HMCN1: variants seen among roughly 807,000 people sequenced by gnomAD.
HMCN1 encodes the protein hemicentin 1, also known as hemicentin-1.
HMCN1 carries 321 observed loss-of-function variants against 625.9 expected under a neutral mutation model. That is an observed-to-expected ratio of 0.51 (90% CI 0.47 to 0.56). The LOEUF (loss-of-function observed/expected upper bound fraction) is 0.56. Ranked by LOEUF, HMCN1 falls within the 20% of genes least tolerant of loss-of-function variation. The pLI is 0.00. For synonymous variants in HMCN1, 2,425 were observed against 2,417.6 expected, an observed-to-expected ratio of 1.00 and a Z score of -0.09; for missense variants, 6,588 against 6,887.3, an observed-to-expected ratio of 0.96 and a Z score of 1.54.
At chr1:185,784,200 A>G (rs1390599319) in intron 1 of HMCN1, among the ~76,000 whole-genome samples, 1 of 152,178 alleles carries the variant, frequency 6.6e-6, no homozygotes, top group Non-Finnish European at 1.5e-5. Flanking sequence ...AGACCATTGG[A>G]AAAGCGCAGT....
intron 1 of HMCN1, among the ~76,000 whole-genome samples, chr1:185,745,129 G>T (rs1009369294): frequency 6.6e-6 from 1 of 152,194 alleles, no homozygotes; most frequent in African/African-American, 2.4e-5. Context: ...TGCAAAGTTA[G>T]CTTTAAGACA....
At position 186,042,892 on chromosome 1, in the gene HMCN1, G is replaced by A. The variant is rs546453575; in HGVS notation, c.6304+1756G>A. On this transcript the variant is annotated intron_variant, in intron 40 of 106. Coordinates refer to ENST00000271588, the MANE Select transcript of HMCN1 (RefSeq NM_031935.3). Reference sequence around the variant, plus strand: ...CCTTCAGATTTACATTGTGGGGTACGCTGTTGGGGGGTGGAATAGGGGAAG... The same window carrying A: ...CCTTCAGATTTACATTGTGGGGTACACTGTTGGGGGGTGGAATAGGGGAAG... 1.6e-4 allele frequency among the ~76,000 whole-genome samples: 24 copies of A among 152,152 alleles called. No homozygotes were observed. In the East Asian group the frequency reaches 2.5e-3, roughly 16 times the overall value.
rs1412818585 is a variant in HMCN1, at chr1:186,003,839, T to C, written c.4470T>C (p.Asp1490=). 1.4e-5 allele frequency: 22 copies of C among 1,613,094 alleles called. No individual in the cohort carries two copies. Among genetic ancestry groups the C allele is most frequent in the African/African-American group, 2.7e-5 (2 of 74,860 alleles). Residue 1490 remains aspartate (D), a synonymous_variant, in exon 29 of 107, where the codon GAT becomes GAC. Transcript: ENST00000271588. ...TTCCTGATATTCATTGGTTCAAAGA[T>C]GGCAAGTGAGTATCTTTTCTGTATT... ...TPFPDIHWFK[D]GKPLFLGDPN...
intron 68 of HMCN1, among the ~76,000 whole-genome samples, chr1:186,099,317 CTG>C (rs1470813981): frequency 6.6e-6 from 1 of 151,964 alleles, no homozygotes; most frequent in Non-Finnish European, 1.5e-5. Flanking sequence ...AAAAGAAAAA[CTG>C]TGTGTCTGGG....
intron 95 of HMCN1, 126 bp downstream of exon 95, chr1:186,151,869 A>G: frequency 1.0e-6 from 1 of 952,446 alleles, no homozygotes; most frequent in Non-Finnish European, 1.6e-6. Context: ...TAAGTGATAT[A>G]AAAGCAATTT....
intron 1 of HMCN1, among the ~76,000 whole-genome samples, chr1:185,738,317 C>T (rs540022559): frequency 6.6e-6 from 1 of 152,288 alleles, no homozygotes; most frequent in Non-Finnish European, 1.5e-5. Context: ...ATACCCCAAT[C>T]ATCTTCCCCT....
intron 105 of HMCN1, among the ~76,000 whole-genome samples, chr1:186,187,656 T>TA (rs1411449580): frequency 1.3e-5 from 2 of 152,168 alleles, no homozygotes; most frequent in Admixed American, 1.3e-4. Context: ...TCATTTTTTT[T>TA]ATGTCCTTTC....
chr1:185,805,094 T>C (rs967545092), intron 1 of HMCN1, among the ~76,000 whole-genome samples: 2 of 152,162 alleles, frequency 1.3e-5, no homozygotes, highest in African/African-American at 4.8e-5. Flanking sequence ...ATTATTCTGA[T>C]GGCATATTTT....
chr1:185,869,969 A>T (rs1422309094), intron 4 of HMCN1, among the ~76,000 whole-genome samples: 1 of 151,294 alleles, frequency 6.6e-6, no homozygotes, highest in Non-Finnish European at 1.5e-5. Flanking sequence ...CCTGGGGGAT[A>T]TATTTTATAT....
At chr1:186,119,092 C>T in intron 77 of HMCN1, 99 bp from the exon 78 acceptor site, 2 of 840,270 alleles carry the variant, frequency 2.4e-6, no homozygotes, top group Non-Finnish European at 4.1e-6. Flanking sequence ...CCAAGCACCA[C>T]CATGCTATTT....
chr1:186,050,719 G>C (rs1571779870), intron 42 of HMCN1, among the ~76,000 whole-genome samples: 1 of 152,114 alleles, frequency 6.6e-6, no homozygotes, highest in East Asian at 1.9e-4. Flanking sequence ...GTAGATATAA[G>C]AATGAATGAT....
chr1:186,138,382 A>C (rs566851198), intron 89 of HMCN1, among the ~76,000 whole-genome samples: 1 of 152,176 alleles, frequency 6.6e-6, no homozygotes, highest in Non-Finnish European at 1.5e-5. Context: ...GTCATTCACT[A>C]AATACTTGCC....
At chr1:185,867,141 T>C (rs185556299) in intron 4 of HMCN1, among the ~76,000 whole-genome samples, 2 of 152,344 alleles carry the variant, frequency 1.3e-5, no homozygotes, top group Admixed American at 1.3e-4. Flanking sequence ...ATCAACATAT[T>C]GAAATAGATA....
intron 97 of HMCN1, among the ~76,000 whole-genome samples, chr1:186,163,395 G>T (rs923652612): frequency 6.6e-6 from 1 of 151,904 alleles, no homozygotes; most frequent in Non-Finnish European, 1.5e-5. Flanking sequence ...TTCGGCTCAC[G>T]CACGGTGCGC....
chr1:186,106,916 A>G lies in HMCN1; in HGVS notation c.10803A>G (p.Ala3601=), dbSNP rs1660635844. 1 of 1,612,766 alleles carries G rather than the reference A, an allele frequency of 6.2e-7. No individual in the cohort carries two copies. Among genetic ancestry groups the G allele is most frequent in the African/African-American group, 1.3e-5 (1 of 74,902 alleles). ...ATACAGGAAGATATACATGTCTGGC[A>G]TCCAGTCCTGCAGGAGATGATGATA... ...VEDTGRYTCL[A]SSPAGDDDKE... Residue 3601 remains alanine (A), a synonymous_variant, in exon 70 of 107, where the codon GCA becomes GCG. Transcript: ENST00000271588.
At position 185,966,011 on chromosome 1, in the gene HMCN1, A is replaced by T. The variant is rs1650385493; in HGVS notation, c.2212+96A>T. 2.5e-5 allele frequency: 20 copies of T among 787,984 alleles called. No homozygotes were observed. In the South Asian group the frequency reaches 2.8e-4, roughly 11 times the overall value. The allele number at this position is 787,984 out of a possible 1,614,324, so 48.8% of individuals were successfully genotyped here. ...AAAACTTTGTTTTGGTGTGTGACTT[A>T]GCAGCCCCATAAAATGTGTTTATGA... is the stretch of plus-strand genomic sequence containing the variant. On this transcript the variant is annotated intron_variant, in intron 14 of 106. Transcript: ENST00000271588.
chr1:185,789,873 T>A (rs998161865), intron 1 of HMCN1, among the ~76,000 whole-genome samples: 3 of 152,214 alleles, frequency 2.0e-5, no homozygotes, highest in African/African-American at 7.2e-5. Flanking sequence ...ATTAACTCTA[T>A]TTTTTCCCCC....
At chr1:185,745,144 G>A (rs890406554) in intron 1 of HMCN1, among the ~76,000 whole-genome samples, 2 of 152,100 alleles carry the variant, frequency 1.3e-5, no homozygotes, top group Non-Finnish European at 2.9e-5. Context: ...AAGACACAAC[G>A]TTACTCCCAG....
At position 186,137,576 on chromosome 1, in the gene HMCN1, G is replaced by T; in HGVS notation, c.13661G>T (p.Arg4554Leu). The T allele has an allele frequency of 6.8e-6, 11 of 1,613,904 alleles. No individual in the cohort carries two copies. Among genetic ancestry groups the T allele is most frequent in the Non-Finnish European group, 9.3e-6 (11 of 1,179,940 alleles). ...GGAAAAGGCATCCAAAAGAGGAGTC[G>T]TCTGTGCAACCAGCCCCTTCCAGCC... ...TCGKGIQKRS[R>L]LCNQPLPANG... Residue 4554 changes from arginine (R) to leucine (L), a missense_variant, in exon 88 of 107, where the codon CGT becomes CTT. Arg to Leu is a moderately radical substitution (Grantham distance 102). This residue lies in a region of HMCN1 where 1,954 missense variants were observed against 2,013.1 expected (regional missense o/e 0.97). Coordinates refer to ENST00000271588, the MANE Select transcript of HMCN1 (RefSeq NM_031935.3).
Sources: allele counts gnomAD v4.1 joint callset (sites outside exome capture counted in the v4.1 genomes callset), GRCh38; gene constraint gnomAD v4.1.1; regional missense constraint gnomAD v4.1.1; transcripts MANE v1.5; gene names NCBI Gene and HGNC (gene_info 2026-07-23, HGNC 2026-07-21).